The following CCDC88A variants were observed in gnomAD, a reference collection of about 807,000 sequenced individuals.
CCDC88A encodes coiled-coil and HOOK domain protein 88A.
CCDC88A carries 54 observed loss-of-function variants against 234.3 expected under a neutral mutation model. The observed-to-expected ratio is 0.23, with a 90% confidence interval of 0.19 to 0.29. The LOEUF (loss-of-function observed/expected upper bound fraction) is 0.29. Among genes scored for constraint, CCDC88A ranks in the 10% least tolerant of loss-of-function variants. CCDC88A has a pLI of 1.00. For missense variants in CCDC88A, 1,832 were observed against 2,123.4 expected, an observed-to-expected ratio of 0.86 and a Z score of 2.70; for synonymous variants, 753 against 737.8, an observed-to-expected ratio of 1.02 and a Z score of -0.33.
intron 3 of CCDC88A, among the ~76,000 whole-genome samples, chr2:55,386,948 G>A (rs1008551656): frequency 1.3e-5 from 2 of 151,192 alleles, no homozygotes; most frequent in Non-Finnish European, 1.5e-5. Context: ...GCCGAGGCGG[G>A]TGGATCACAG....
At chr2:55,355,314 G>A (rs974627559) in intron 8 of CCDC88A, 2 of 313,206 alleles carry the variant, frequency 6.4e-6, no homozygotes, top group Non-Finnish European at 1.2e-5. Context: ...AAAACTAAGA[G>A]CCCCAATTTG....
chr2:55,331,578 A>C (rs1448037088), intron 16 of CCDC88A, among the ~76,000 whole-genome samples: 1 of 152,220 alleles, frequency 6.6e-6, no homozygotes, highest in African/African-American at 2.4e-5. Context: ...TCTAGTCTAC[A>C]TAAAATAATA....
chr2:55,311,352 T>G (rs1682327874), intron 23 of CCDC88A, among the ~76,000 whole-genome samples: 1 of 152,218 alleles, frequency 6.6e-6, no homozygotes. Flanking sequence ...GATACACCTG[T>G]GTATTAATAA....
chr2:55,300,049 A>G, intron 28 of CCDC88A, 130 bp from the exon 29 acceptor site: 1 of 650,694 alleles, frequency 1.5e-6, no homozygotes, highest in Admixed American at 2.6e-5. Context: ...GCATGCCCAG[A>G]TTAGAAAGCA....
In CCDC88A at chr2:55,295,725, A is replaced by C. The variant is rs1389974798; in HGVS notation, c.5423T>G (p.Val1808Gly). ...PYATLPRASS[V>G]ISTAEGTTRR... ...TGTAGTTCCTTCGGCAGTTGAGATC[A>C]CGCTGCTTGCACGAGGTAAAGTTGC... Residue 1808 changes from valine to glycine, a missense_variant, in exon 31 of 33, where the codon GTG becomes GGG. This residue lies in a region of CCDC88A where 422 missense variants were observed against 416.5 expected (regional missense o/e 1.01). Transcript: ENST00000436346. The C allele has an allele frequency of 6.2e-7, 1 of 1,614,224 alleles. No homozygotes were observed. The highest frequency in any genetic ancestry group is 2.2e-5 in the East Asian group (1 of 44,890).
At position 55,417,011 on chromosome 2, in the gene CCDC88A, G is replaced by A. The variant is rs574395761; in HGVS notation, c.164+1805C>T. 5 of 151,496 alleles carry A rather than the reference G, an allele frequency of 3.3e-5. No homozygotes were observed. The East Asian group carries it at 9.7e-4, about 29-fold the overall frequency. 9.4% of individuals were successfully genotyped at this position (151,496 alleles called of 1,614,324 possible). A position where few individuals can be genotyped will look rare whatever the true frequency, so the allele number is the denominator to read the frequency against. On this transcript the variant is annotated intron_variant, in intron 2 of 32. Coordinates refer to ENST00000436346, the MANE Select transcript of CCDC88A (RefSeq NM_001365480.1). Reference sequence around the variant, plus strand: ...ACTGAGAGGTGGAACTGAAAATACAGAAGCAGATTTGTGGTTTGGAAAGGA... The same window carrying A: ...ACTGAGAGGTGGAACTGAAAATACAAAAGCAGATTTGTGGTTTGGAAAGGA...
intron 2 of CCDC88A, among the ~76,000 whole-genome samples, chr2:55,411,963 C>A (rs1374583701): frequency 6.6e-6 from 1 of 151,808 alleles, no homozygotes; most frequent in Non-Finnish European, 1.5e-5. Context: ...GTAATTAAAA[C>A]AAATACGGGG....
At chr2:55,396,504 T>C (rs1038170847) in intron 2 of CCDC88A, among the ~76,000 whole-genome samples, 7 of 152,154 alleles carry the variant, frequency 4.6e-5, no homozygotes, top group Non-Finnish European at 8.8e-5. Context: ...CCTAGGATCC[T>C]AGAGCTCTTT....
At chr2:55,314,215 T>G (rs1682689414) in intron 22 of CCDC88A, 1 of 152,216 alleles carries the variant, frequency 6.6e-6, no homozygotes. Context: ...TGCCAGCTAA[T>G]TACAGATGCA....
intron 2 of CCDC88A, among the ~76,000 whole-genome samples, chr2:55,390,461 C>T (rs548568756): frequency 2.0e-5 from 3 of 152,150 alleles, no homozygotes; most frequent in Non-Finnish European, 2.9e-5. Flanking sequence ...TCAATTCAAC[C>T]ACTTACGCTG....
chr2:55,338,122 T>C (rs1668031959), intron 13 of CCDC88A, among the ~76,000 whole-genome samples: 1 of 152,172 alleles, frequency 6.6e-6, no homozygotes, highest in Non-Finnish European at 1.5e-5. Context: ...TCACTAAGAA[T>C]TTACATATTA....
intron 17 of CCDC88A, chr2:55,322,902 A>T (rs1001317472): frequency 1.7e-5 from 6 of 361,484 alleles, no homozygotes; most frequent in Non-Finnish European, 2.4e-5. Context: ...TGCCAGAGTA[A>T]TAGTCATGTC....
intron 29 of CCDC88A, among the ~76,000 whole-genome samples, chr2:55,299,470 A>G (rs1356088700): frequency 6.6e-6 from 1 of 152,228 alleles, no homozygotes; most frequent in Non-Finnish European, 1.5e-5. Flanking sequence ...TAAGCCAAAC[A>G]TATTTCTAAA....
At chr2:55,351,081 C>G (rs1375423380) in intron 8 of CCDC88A, among the ~76,000 whole-genome samples, 4 of 152,110 alleles carry the variant, frequency 2.6e-5, no homozygotes, top group African/African-American at 7.2e-5. Context: ...TACATAAAAT[C>G]CTGTGTATTT....
intron 23 of CCDC88A, among the ~76,000 whole-genome samples, chr2:55,310,202 G>A (rs976350687): frequency 6.6e-6 from 1 of 152,194 alleles, no homozygotes; most frequent in Non-Finnish European, 1.5e-5. Context: ...TAGGAAATCA[G>A]AAGTATTGAA....
intron 2 of CCDC88A, among the ~76,000 whole-genome samples, chr2:55,397,094 A>G (rs1264207300): frequency 6.6e-6 from 1 of 151,910 alleles, no homozygotes; most frequent in Non-Finnish European, 1.5e-5. Flanking sequence ...TACCTAAGAA[A>G]AAAAAATTTT....
chr2:55,386,531 G>A (rs917082717), intron 3 of CCDC88A, among the ~76,000 whole-genome samples: 9 of 146,106 alleles, frequency 6.2e-5, no homozygotes, highest in Middle Eastern at 6.8e-3. Flanking sequence ...GAGTGCAACA[G>A]CATGATCTCG....
rs1683272600 is a variant in CCDC88A, at chr2:55,318,826, A to G, written c.3324+17T>C. The G allele has an allele frequency of 1.3e-6, 2 of 1,553,548 alleles. No homozygotes were observed. Among genetic ancestry groups the G allele is most frequent in the Admixed American group, 1.7e-5 (1 of 58,312 alleles). ...TCAAGAGTTTGGTTGCATATTCCCAAAATATTATATTACAACCTGAAGCTT... is the reference window on the plus strand; with the variant it reads ...TCAAGAGTTTGGTTGCATATTCCCAGAATATTATATTACAACCTGAAGCTT... On this transcript the variant is annotated intron_variant, in intron 19 of 32. Transcript: ENST00000436346.
intron 2 of CCDC88A, among the ~76,000 whole-genome samples, chr2:55,399,195 T>A (rs1253933443): frequency 6.6e-6 from 1 of 152,046 alleles, no homozygotes; most frequent in Non-Finnish European, 1.5e-5. Flanking sequence ...AGACACATTA[T>A]CCCTATATAT....
Sources: gnomAD v4.1 joint callset for allele counts (sites outside exome capture counted in the v4.1 genomes callset) on GRCh38, gnomAD v4.1.1 for gene constraint, gnomAD v4.1.1 regional missense constraint, MANE v1.5 for transcripts, NCBI Gene and HGNC (gene_info 2026-07-23, HGNC 2026-07-21) for gene names.